Variants in CDH12 observed in about 807,000 individuals in gnomAD.
CDH12 encodes cadherin 12.
CDH12 carries 41 observed loss-of-function variants against 74.1 expected under a neutral mutation model. That is an observed-to-expected ratio of 0.55 (90% confidence interval 0.43 to 0.72). The LOEUF is 0.72. Among genes scored for constraint, CDH12 ranks in the 30% least tolerant of loss-of-function variants. CDH12 has a pLI of 0.00. For synonymous variants in CDH12, 399 were observed against 355.0 expected, an observed-to-expected ratio of 1.12 and a Z score of -1.39; for missense variants, 945 against 977.2, an observed-to-expected ratio of 0.97 and a Z score of 0.44.
intron 6 of CDH12, chr5:21,882,599 C>T (rs541720530): frequency 1.9e-6 from 3 of 1,598,210 alleles, no homozygotes; most frequent in Non-Finnish European, 2.6e-6. Context: ...GCTTCGGTTA[C>T]CCACAGTCTT....
chr5:21,900,776 T>C (rs950912987), intron 6 of CDH12, among the ~76,000 whole-genome samples: 2 of 152,152 alleles, frequency 1.3e-5, no homozygotes, highest in Non-Finnish European at 2.9e-5. Context: ...CTCTGCAGAA[T>C]TAATGCAATG....
At chr5:22,818,557 A>C (rs1749507109) in intron 1 of CDH12, among the ~76,000 whole-genome samples, 1 of 152,168 alleles carries the variant, frequency 6.6e-6, no homozygotes, top group Non-Finnish European at 1.5e-5. Context: ...AAGAGGGACA[A>C]GCAATGACAT....
chr5:22,164,660 A>G (rs1748576631), intron 4 of CDH12, among the ~76,000 whole-genome samples: 2 of 152,174 alleles, frequency 1.3e-5, no homozygotes, highest in Middle Eastern at 3.4e-3. Context: ...GCCTGGGTTT[A>G]TATCCCGATC....
intron 1 of CDH12, among the ~76,000 whole-genome samples, chr5:22,578,781 C>A (rs1411408392): frequency 6.6e-6 from 1 of 151,900 alleles, no homozygotes; most frequent in African/African-American, 2.4e-5. Context: ...CCTGAATATG[C>A]GTTTCTCTAG....
chr5:22,454,436 C>T (rs1745185636), intron 2 of CDH12, among the ~76,000 whole-genome samples: 1 of 152,114 alleles, frequency 6.6e-6, no homozygotes, highest in Non-Finnish European at 1.5e-5. Context: ...TCTCAGGCTG[C>T]TGTATCAAGA....
chr5:22,384,185 AGT>A (rs1741888472), intron 3 of CDH12, among the ~76,000 whole-genome samples: 1 of 152,126 alleles, frequency 6.6e-6, no homozygotes, highest in Non-Finnish European at 1.5e-5. Flanking sequence ...TGCATACTGT[AGT>A]GCATCTATCT....
rs894261584 is a variant in CDH12 at position 22,717,322 on chromosome 5, C to T, written c.-523+135736G>A. On this transcript the variant is annotated intron_variant, in intron 1 of 14. Transcript: ENST00000382254. ...ACACAAAAATATTTACCATGTGTTA[C>T]AGTTGCCTGCAGTATTTAGCACAGT... Among the ~76,000 whole-genome samples the T allele has an allele frequency of 2.0e-5, 3 of 152,098 alleles. No homozygotes were observed. In the East Asian group the frequency reaches 5.8e-4, roughly 29 times the overall value.
chr5:21,821,229 A>G (rs558862122), intron 8 of CDH12, among the ~76,000 whole-genome samples: 1 of 150,476 alleles, frequency 6.6e-6, no homozygotes, highest in East Asian at 1.9e-4. Flanking sequence ...TTGCTACTTT[A>G]AAAAAAAAGG....
chr5:21,831,530 A>G (rs1749022702), intron 8 of CDH12, among the ~76,000 whole-genome samples: 1 of 152,198 alleles, frequency 6.6e-6, no homozygotes, highest in Non-Finnish European at 1.5e-5. Flanking sequence ...TGTGGAAATC[A>G]GGGAACTGGC....
chr5:22,795,547 C>T (rs374451003), intron 1 of CDH12, among the ~76,000 whole-genome samples: 13 of 151,204 alleles, frequency 8.6e-5, no homozygotes, highest in African/African-American at 3.2e-4. Flanking sequence ...TATATACATA[C>T]ATATAATATA....
intron 3 of CDH12, among the ~76,000 whole-genome samples, chr5:22,243,640 T>C (rs751179716): frequency 1.4e-4 from 22 of 152,224 alleles, no homozygotes; most frequent in Non-Finnish European, 2.2e-4. Flanking sequence ...TTGGAAACTA[T>C]TAATCTCACA....
rs140333763 is a variant in CDH12 at position 22,494,416 on chromosome 5, C to T, written c.-428+10854G>A. On this transcript the variant is annotated intron_variant, in intron 2 of 14. Coordinates refer to ENST00000382254, the MANE Select transcript of CDH12 (RefSeq NM_004061.5). Reference sequence around the variant, plus strand: ...TTCACCCTGAGCTGCGGGCAGGCTCCGGCTATCCACAACCCTGAACTGAAA... The same window carrying T: ...TTCACCCTGAGCTGCGGGCAGGCTCTGGCTATCCACAACCCTGAACTGAAA... Among the ~76,000 whole-genome samples the T allele has an allele frequency of 7.2e-3, 1,098 of 152,304 alleles. 11 individuals are homozygous for T. The highest frequency in any genetic ancestry group is 0.025 in the African/African-American group (1,059 of 41,578).
At chr5:22,849,592 T>C (rs769199241) in intron 1 of CDH12, among the ~76,000 whole-genome samples, 21 of 152,142 alleles carry the variant, frequency 1.4e-4, no homozygotes, top group Non-Finnish European at 2.4e-4. Context: ...CTTAATACAT[T>C]TGAAGAGGCA....
chr5:22,343,562 C>T (rs1433522903), intron 3 of CDH12, among the ~76,000 whole-genome samples: 1 of 152,120 alleles, frequency 6.6e-6, no homozygotes, highest in Non-Finnish European at 1.5e-5. Context: ...GGACTACAGG[C>T]TCCCGCCACC....
intron 4 of CDH12, among the ~76,000 whole-genome samples, chr5:22,167,257 T>C (rs961536931): frequency 6.6e-6 from 1 of 152,226 alleles, no homozygotes; most frequent in Non-Finnish European, 1.5e-5. Context: ...ATGCTAGTCA[T>C]GTGAATGATT....
intron 2 of CDH12, among the ~76,000 whole-genome samples, chr5:22,498,827 TA>T (rs1170161386): frequency 6.6e-6 from 1 of 150,734 alleles, no homozygotes; most frequent in East Asian, 1.9e-4. Flanking sequence ...TAATTATTAC[TA>T]AAAATAATTT....
At chr5:22,005,864 TG>T (rs766292983) in intron 5 of CDH12, among the ~76,000 whole-genome samples, 1 of 152,184 alleles carries the variant, frequency 6.6e-6, no homozygotes, top group Non-Finnish European at 1.5e-5. Context: ...CTCTCTGCAA[TG>T]GGTTTTCAAA....
chr5:21,941,827 A>G (rs1307822309), intron 6 of CDH12, among the ~76,000 whole-genome samples: 1 of 151,842 alleles, frequency 6.6e-6, no homozygotes, highest in Non-Finnish European at 1.5e-5. Context: ...TTCCCAATCT[A>G]GCTTCCTCAT....
intron 4 of CDH12, among the ~76,000 whole-genome samples, chr5:22,166,640 A>G (rs1191653919): frequency 6.6e-6 from 1 of 152,210 alleles, no homozygotes; most frequent in Non-Finnish European, 1.5e-5. Context: ...AATTATGCAA[A>G]AATATGTACA....
Sources: gnomAD v4.1 joint callset for allele counts (sites outside exome capture counted in the v4.1 genomes callset) on GRCh38, gnomAD v4.1.1 for gene constraint, MANE v1.5 for transcripts, NCBI Gene and HGNC (gene_info 2026-07-23, HGNC 2026-07-21) for gene names.